Variants in LRP1B observed in about 807,000 individuals in gnomAD.
LRP1B encodes LDL receptor related protein 1B.
Under a neutral mutation model 556.6 loss-of-function variants are expected in LRP1B, and 217 were observed. The observed-to-expected ratio is 0.39, with a 90% CI of 0.35 to 0.44. The LOEUF is 0.44. Among genes scored for constraint, LRP1B ranks in the 20% least tolerant of loss-of-function variants. The pLI is 1.00. For synonymous variants in LRP1B, 2,047 were observed against 1,865.8 expected (o/e 1.10, Z -2.50); for missense variants, 5,053 against 5,620.8 (o/e 0.90, Z 3.23).
At chr2:141,980,986 G>A (rs977100990) in intron 1 of LRP1B, among the ~76,000 whole-genome samples, 3 of 151,830 alleles carry the variant, frequency 2.0e-5, no homozygotes, top group Non-Finnish European at 2.9e-5. Flanking sequence ...GCAAATATTC[G>A]GTGATTATAT....
intron 20 of LRP1B, among the ~76,000 whole-genome samples, chr2:140,924,613 A>G (rs746396123): frequency 1.9e-4 from 29 of 152,256 alleles, no homozygotes; most frequent in Middle Eastern, 3.4e-3. Context: ...ATTGTAATAG[A>G]AAACCACTAG....
At chr2:140,693,718 C>CG (rs748257345) in intron 41 of LRP1B, among the ~76,000 whole-genome samples, 6 of 137,596 alleles carry the variant, frequency 4.4e-5, no homozygotes, top group East Asian at 2.5e-4. Context: ...GGGTGGGTGG[C>CG]GGGGGGGCGT....
intron 18 of LRP1B, among the ~76,000 whole-genome samples, chr2:140,972,492 T>C (rs1435705580): frequency 6.6e-6 from 1 of 152,186 alleles, no homozygotes; most frequent in African/African-American, 2.4e-5. Flanking sequence ...TGAGTTTATC[T>C]TCCTATGGAG....
chr2:140,744,582 T>A (rs918133640), intron 35 of LRP1B, among the ~76,000 whole-genome samples: 2 of 152,214 alleles, frequency 1.3e-5, no homozygotes, highest in African/African-American at 4.8e-5. Flanking sequence ...CATGCTTCCA[T>A]CTCAGGGCTT....
At chr2:140,368,213 G>A (rs1442823856) in intron 71 of LRP1B, among the ~76,000 whole-genome samples, 1 of 151,712 alleles carries the variant, frequency 6.6e-6, no homozygotes, top group Non-Finnish European at 1.5e-5. Context: ...CAGTTTCCTG[G>A]TCATGTTCTT....
At chr2:141,219,172 T>C (rs982405638) in intron 6 of LRP1B, among the ~76,000 whole-genome samples, 6 of 152,208 alleles carry the variant, frequency 3.9e-5, no homozygotes, top group Non-Finnish European at 8.8e-5. Flanking sequence ...GGCCAGTGGC[T>C]TCAGGCTGGA....
At chr2:141,133,572 G>A (rs1701415769) in intron 7 of LRP1B, among the ~76,000 whole-genome samples, 1 of 151,896 alleles carries the variant, frequency 6.6e-6, no homozygotes, top group Non-Finnish European at 1.5e-5. Flanking sequence ...GCAGAACTCT[G>A]CCTGGCACAG....
intron 3 of LRP1B, among the ~76,000 whole-genome samples, chr2:141,452,536 A>G (rs1317469409): frequency 6.6e-6 from 1 of 152,206 alleles, no homozygotes; most frequent in Non-Finnish European, 1.5e-5. Flanking sequence ...AATGTAGTAT[A>G]TCTTTTCATT....
chr2:140,571,397 C>A (rs1379891798), intron 43 of LRP1B, among the ~76,000 whole-genome samples: 1 of 151,678 alleles, frequency 6.6e-6, no homozygotes, highest in East Asian at 1.9e-4. Flanking sequence ...ATCATGAAAG[C>A]AATTCCATTT....
rs545647687 is a variant in LRP1B, at chr2:142,058,578, G to A, written c.82+72070C>T. Among the ~76,000 whole-genome samples the A allele has an allele frequency of 8.0e-4, 121 of 152,114 alleles. 2 individuals carry two copies. In the South Asian group the frequency reaches 0.016, roughly 20 times the overall value. On this transcript the variant is annotated intron_variant, in intron 1 of 90. Transcript: ENST00000389484. ...CAATTTTTTTAGCTTATCTGCTATC[G>A]TTAGTGTGAATGTATTCTATGTGTG... is the stretch of plus-strand genomic sequence containing the variant.
chr2:141,590,939 A>G (rs968647839), intron 2 of LRP1B, among the ~76,000 whole-genome samples: 2 of 152,022 alleles, frequency 1.3e-5, no homozygotes, highest in African/African-American at 2.4e-5. Context: ...TGACACAAAC[A>G]TATCTTTTTT....
At chr2:141,499,775 TA>T (rs910603395) in intron 2 of LRP1B, among the ~76,000 whole-genome samples, 7 of 152,146 alleles carry the variant, frequency 4.6e-5, no homozygotes, top group Non-Finnish European at 8.8e-5. Flanking sequence ...TAATTTGAAA[TA>T]AAAAAATAAA....
chr2:140,798,206 G>C (rs1690383824), intron 32 of LRP1B, among the ~76,000 whole-genome samples: 1 of 152,078 alleles, frequency 6.6e-6, no homozygotes, highest in African/African-American at 2.4e-5. Flanking sequence ...TAGAACCTAA[G>C]TAGTGACTGG....
intron 2 of LRP1B, among the ~76,000 whole-genome samples, chr2:141,568,722 T>C (rs1686424048): frequency 6.6e-6 from 1 of 151,270 alleles, no homozygotes; most frequent in African/African-American, 2.4e-5. Context: ...TTTGTTCATT[T>C]AGTCAGTCAT....
intron 7 of LRP1B, among the ~76,000 whole-genome samples, chr2:141,158,850 A>G (rs1702131829): frequency 6.6e-6 from 1 of 152,170 alleles, no homozygotes; most frequent in African/African-American, 2.4e-5. Flanking sequence ...CAACAACAAC[A>G]AAATCAAGAC....
chr2:140,969,356 C>CT (rs951954924), intron 18 of LRP1B, among the ~76,000 whole-genome samples: 15 of 151,982 alleles, frequency 9.9e-5, no homozygotes, highest in East Asian at 1.9e-4. Flanking sequence ...CAACCCTTGC[C>CT]TTTTTTTGTT....
rs561317242 is a variant in LRP1B at position 142,076,197 on chromosome 2, C to T, written c.82+54451G>A. On this transcript the variant is annotated intron_variant, in intron 1 of 90. Transcript: ENST00000389484. ...TATATTCAGTTGATACATTAAAATACTGTAAACAATTTAATTTTGTTGAAG... is the reference window on the plus strand; with the variant it reads ...TATATTCAGTTGATACATTAAAATATTGTAAACAATTTAATTTTGTTGAAG... 1.1e-4 allele frequency among the ~76,000 whole-genome samples: 17 copies of T among 152,206 alleles called. 1 individual carries two copies. In the South Asian group the frequency reaches 3.5e-3, roughly 32 times the overall value.
chr2:140,678,952 G>T (rs1685768826), intron 41 of LRP1B, among the ~76,000 whole-genome samples: 1 of 151,910 alleles, frequency 6.6e-6, no homozygotes, highest in Non-Finnish European at 1.5e-5. Context: ...TAATTTTCAT[G>T]TTTTTGTAGA....
At chr2:142,082,484 C>A (rs571446764) in intron 1 of LRP1B, among the ~76,000 whole-genome samples, 1 of 152,268 alleles carries the variant, frequency 6.6e-6, no homozygotes, top group Admixed American at 6.5e-5. Context: ...GATCCAAGTC[C>A]AGCCCTAAGA....
Sources: allele counts gnomAD v4.1 joint callset (sites outside exome capture counted in the v4.1 genomes callset), GRCh38; gene constraint gnomAD v4.1.1; transcripts MANE v1.5; gene names NCBI Gene and HGNC (gene_info 2026-07-23, HGNC 2026-07-21).